The following PKHD1 variants were observed in gnomAD, a reference collection of about 807,000 sequenced individuals.
PKHD1 encodes PKHD1 ciliary IPT domain containing fibrocystin/polyductin.
A neutral mutation model predicts 412.0 loss-of-function variants in PKHD1; 291 were observed. The ratio of observed to expected loss-of-function variants is 0.71; its 90% confidence interval spans 0.64 to 0.78. PKHD1 has a LOEUF of 0.78. PKHD1 is among the 30% of genes least tolerant of loss of function. PKHD1 has a pLI of 0.00. For missense variants in PKHD1, 4,825 were observed against 4,950.7 expected (o/e 0.97, Z 0.76); for synonymous variants, 1,777 against 1,821.5 (o/e 0.98, Z 0.62).
At chr6:51,895,842 T>C (rs531401400) in intron 43 of PKHD1, among the ~76,000 whole-genome samples, 10 of 152,064 alleles carry the variant, frequency 6.6e-5, no homozygotes, top group African/African-American at 1.7e-4. Flanking sequence ...GGGTGAGGCA[T>C]TGCCTCACTC....
rs58801569 is a variant in PKHD1 at position 51,794,047 on chromosome 6, CTTTT to C, written c.8303-2678_8303-2675del. ...CTTACCAGCATCTGTTGCTTTTTGA[CTTTT>C]TTTTTTTTTTTTTTTGAGATGGAGT... On this transcript the variant is annotated intron_variant, in intron 52 of 66. Coordinates refer to ENST00000371117, the MANE Select transcript of PKHD1 (RefSeq NM_138694.4). 4.9e-3 allele frequency among the ~76,000 whole-genome samples: 606 copies of C among 124,120 alleles called. 2 individuals are homozygous for C. The highest frequency in any genetic ancestry group is 0.011 in the African/African-American group (378 of 33,846). The allele number at this position is 124,120 out of a possible 152,430, so 81.4% of individuals were successfully genotyped here. A position where few individuals can be genotyped will look rare whatever the true frequency, so the allele number is the denominator to read the frequency against.
intron 60 of PKHD1, among the ~76,000 whole-genome samples, chr6:51,742,266 T>C (rs1347821458): frequency 6.6e-6 from 1 of 152,218 alleles, no homozygotes; most frequent in Non-Finnish European, 1.5e-5. Context: ...AGCATTTCCA[T>C]GCGCTTGGCA....
intron 60 of PKHD1, among the ~76,000 whole-genome samples, chr6:51,736,906 C>A (rs1407235908): frequency 6.6e-6 from 1 of 152,206 alleles, no homozygotes; most frequent in African/African-American, 2.4e-5. Flanking sequence ...CTGCAAGCCA[C>A]TCTCTGTTAA....
chr6:51,654,244 C>CAA (rs1382972876), intron 61 of PKHD1, among the ~76,000 whole-genome samples: 1 of 152,022 alleles, frequency 6.6e-6, no homozygotes, highest in Non-Finnish European at 1.5e-5. Flanking sequence ...GTTAATGTTA[C>CAA]AAAAAACTGG....
At chr6:51,983,522 A>G (rs1357343075) in intron 35 of PKHD1, among the ~76,000 whole-genome samples, 2 of 152,252 alleles carry the variant, frequency 1.3e-5, no homozygotes, top group Non-Finnish European at 2.9e-5. Flanking sequence ...TAATAGGCCT[A>G]TTTCCCAAGA....
chr6:51,665,947 G>A (rs1263108527), intron 60 of PKHD1, among the ~76,000 whole-genome samples: 1 of 152,094 alleles, frequency 6.6e-6, no homozygotes, highest in Non-Finnish European at 1.5e-5. Flanking sequence ...GGAGGTGGGT[G>A]GGAGATTGAA....
chr6:51,919,803 C>A lies in PKHD1; in HGVS notation c.6122-7227G>T, dbSNP rs143299019. On this transcript the variant is annotated intron_variant, in intron 37 of 66. Coordinates refer to ENST00000371117, the MANE Select transcript of PKHD1 (RefSeq NM_138694.4). The stretch of plus-strand genomic sequence containing the variant: ...ATTTGTTTGTGTCCTCTTTGATTTC[C>A]TTGAGCAGTGGGGTTTGTAGTTCTC... Among the ~76,000 whole-genome samples, 325 of 152,240 alleles carry A rather than the reference C, an allele frequency of 2.1e-3. 3 individuals carry two copies. Among genetic ancestry groups the A allele is most frequent in the East Asian group, 0.011 (56 of 5,188 alleles).
At chr6:51,838,463 C>A (rs1769624669) in intron 50 of PKHD1, among the ~76,000 whole-genome samples, 1 of 152,116 alleles carries the variant, frequency 6.6e-6, no homozygotes, top group Non-Finnish European at 1.5e-5. Flanking sequence ...AACTCCCTAC[C>A]AAAACAGACA....
chr6:51,982,971 A>T (rs1795753436), intron 35 of PKHD1, among the ~76,000 whole-genome samples: 1 of 141,102 alleles, frequency 7.1e-6, no homozygotes, highest in Non-Finnish European at 1.6e-5. Flanking sequence ...CTCCCACAAC[A>T]CATTCTGAAA....
rs1290081283 is a variant in PKHD1 at position 52,056,971 on chromosome 6, A to G, written c.1521T>C (p.Asn507=). ...GGAAGAAGTTTCCTCTGCCTGATAC[A>G]TTCAGCACCTAAAAAAGTCAAGACA... ...AQRLPEVQVL[N]VSGRGNFFLT... The change falls in exon 17 of 67, where the codon AAT becomes AAC. Residue 507 remains asparagine, a synonymous_variant. Coordinates refer to ENST00000371117, the MANE Select transcript of PKHD1 (RefSeq NM_138694.4). The G allele has an allele frequency of 6.2e-7, 1 of 1,612,320 alleles. No homozygotes were observed. The highest frequency in any genetic ancestry group is 8.5e-7 in the Non-Finnish European group (1 of 1,178,324).
chr6:51,771,969 G>A (rs953317739), intron 55 of PKHD1, among the ~76,000 whole-genome samples: 4 of 152,018 alleles, frequency 2.6e-5, no homozygotes, highest in Non-Finnish European at 5.9e-5. Flanking sequence ...ATACTATGAA[G>A]ATAATGTAAT....
At chr6:51,845,740 T>C (rs976242650) in intron 50 of PKHD1, among the ~76,000 whole-genome samples, 9 of 152,240 alleles carry the variant, frequency 5.9e-5, no homozygotes, top group African/African-American at 1.7e-4. Flanking sequence ...TATGTGTATA[T>C]ATAATAGTAT....
chr6:51,850,461 T>C (rs1771996724), intron 49 of PKHD1, among the ~76,000 whole-genome samples: 1 of 152,254 alleles, frequency 6.6e-6, no homozygotes, highest in Admixed American at 6.5e-5. Flanking sequence ...GGAATAGCAT[T>C]GAATCTATAA....
At position 51,935,356 on chromosome 6, in the gene PKHD1, A is replaced by T. The variant is rs533552421; in HGVS notation, c.5909-1034T>A. ...CATTTTTATAATATCTTTCTTTAAA[A>T]GGCTTTAGAATGTTTATATTTTACG... On this transcript the variant is annotated intron_variant, in intron 36 of 66. Coordinates refer to ENST00000371117, the MANE Select transcript of PKHD1 (RefSeq NM_138694.4). Among the ~76,000 whole-genome samples, 25 of 152,354 alleles carry T rather than the reference A, an allele frequency of 1.6e-4. No individual in the cohort carries two copies. The East Asian group carries it at 3.1e-3, about 19-fold the overall frequency.
At chr6:51,966,531 T>C (rs1438978942) in intron 35 of PKHD1, among the ~76,000 whole-genome samples, 3 of 152,118 alleles carry the variant, frequency 2.0e-5, no homozygotes, top group African/African-American at 7.2e-5. Flanking sequence ...TACTCACAAC[T>C]AAAAAATGTA....
chr6:51,619,385 C>A lies in PKHD1; in HGVS notation c.11921G>T (p.Gly3974Val). The A allele has an allele frequency of 6.2e-7, 1 of 1,613,744 alleles. No homozygotes were observed. The highest frequency in any genetic ancestry group is 8.5e-7 in the Non-Finnish European group (1 of 1,179,620). The change falls in exon 67 of 67, where the codon GGC becomes GTC. Residue 3974 changes from glycine to valine, a missense_variant. Physicochemically the swap from Gly to Val is moderately radical, Grantham distance 109 (BLOSUM62 -3). Coordinates refer to ENST00000371117, the MANE Select transcript of PKHD1 (RefSeq NM_138694.4). Reference protein sequence around the residue: ...EAAVPAPGTTGITSHGHICAP... With the variant: ...EAAVPAPGTTVITSHGHICAP... ...ACAGATGTGCCCATGGGATGTGATG[C>A]CAGTAGTACCAGGAGCAGGCACAGC...
Position 51,638,961 on chromosome 6 carries a change from A to G in PKHD1, c.11399-5T>C, listed in dbSNP as rs770496334. Reference sequence around the variant, plus strand: ...GAGTTTCTGCCTGGGTGCACCCTACAAAAAAGTACAAAACAAAAATTAGCT... The same window carrying G: ...GAGTTTCTGCCTGGGTGCACCCTACGAAAAAGTACAAAACAAAAATTAGCT... On this transcript the variant is annotated splice_polypyrimidine_tract_variant and splice_region_variant and intron_variant, in intron 63 of 66. Transcript: ENST00000371117. The G allele has an allele frequency of 3.1e-6, 5 of 1,591,560 alleles. No individual in the cohort carries two copies. Among genetic ancestry groups the G allele is most frequent in the Non-Finnish European group, 3.4e-6 (4 of 1,159,528 alleles).
intron 57 of PKHD1, among the ~76,000 whole-genome samples, chr6:51,750,271 T>C (rs1010525302): frequency 6.6e-6 from 1 of 152,046 alleles, no homozygotes; most frequent in African/African-American, 2.4e-5. Flanking sequence ...CAATAAAACA[T>C]CCAAAAGCTA....
intron 14 of PKHD1, among the ~76,000 whole-genome samples, chr6:52,060,308 G>A (rs556282450): frequency 5.9e-5 from 9 of 152,280 alleles, no homozygotes; most frequent in Admixed American, 3.9e-4. Flanking sequence ...ACAGCTATAC[G>A]GAAGCTTAGC....
Sources: gnomAD v4.1 joint callset for allele counts (sites outside exome capture counted in the v4.1 genomes callset) on GRCh38, gnomAD v4.1.1 for gene constraint, MANE v1.5 for transcripts, NCBI Gene and HGNC (gene_info 2026-07-23, HGNC 2026-07-21) for gene names.